The following GTF3C2 variants were observed in gnomAD, a reference collection of about 807,000 sequenced individuals.
The protein encoded by GTF3C2 is general transcription factor IIIC subunit 2.
GTF3C2 carries 17 observed loss-of-function variants against 117.4 expected under a neutral mutation model. The ratio of observed to expected loss-of-function variants is 0.14; its 90% CI spans 0.10 to 0.22. The LOEUF (loss-of-function observed/expected upper bound fraction) is 0.22, where lower values mean the gene tolerates loss of function less well. Among genes scored for constraint, GTF3C2 ranks in the 10% least tolerant of loss-of-function variants. The pLI is 1.00. For synonymous variants in GTF3C2, 437 were observed against 427.0 expected, an observed-to-expected ratio of 1.02 and a Z score of -0.29; for missense variants, 888 against 1,143.6, an observed-to-expected ratio of 0.78 and a Z score of 3.22.
chr2:27,354,289 A>G (rs1032990798), intron 1 of GTF3C2, among the ~76,000 whole-genome samples: 2 of 152,064 alleles, frequency 1.3e-5, no homozygotes, highest in African/African-American at 4.8e-5. Flanking sequence ...TCTCAAAAAA[A>G]GTGGGAACCA....
chr2:27,338,120 C>G, intron 4 of GTF3C2, 100 bp from the exon 5 acceptor site: 1 of 772,732 alleles, frequency 1.3e-6, no homozygotes, highest in African/African-American at 1.7e-5. Flanking sequence ...TTTGGCAATA[C>G]CTCCCCCTCC....
At chr2:27,349,561 A>C (rs1681051054) in intron 1 of GTF3C2, among the ~76,000 whole-genome samples, 1 of 152,242 alleles carries the variant, frequency 6.6e-6, no homozygotes, top group Admixed American at 6.5e-5. Context: ...GCAAAATCTA[A>C]GCAAAAACAA....
chr2:27,343,138 G>A (rs1397085676), exon 3 of GTF3C2: 2 of 1,572,366 alleles, frequency 1.3e-6, no homozygotes, highest in Non-Finnish European at 1.7e-6. Flanking sequence ...TGACATCTCT[G>A]AAGAAAGATC....
At chr2:27,330,936 T>C (rs1273130520) in intron 12 of GTF3C2, among the ~76,000 whole-genome samples, 2 of 152,144 alleles carry the variant, frequency 1.3e-5, no homozygotes, top group East Asian at 1.9e-4. Context: ...CACTCCAGCC[T>C]GGACCCCACA....
chr2:27,337,082 A>C, intron 7 of GTF3C2, 162 bp downstream of exon 7: 1 of 618,436 alleles, frequency 1.6e-6, no homozygotes, highest in Non-Finnish European at 2.9e-6. Context: ...GAACACTACA[A>C]ATCAGAGAGG....
At chr2:27,336,098 C>T in intron 8 of GTF3C2, 70 bp from the exon 9 acceptor site, 2 of 1,393,746 alleles carry the variant, frequency 1.4e-6, no homozygotes, top group South Asian at 2.3e-5. Flanking sequence ...GGTAAGCTCC[C>T]CTTGTCTCAG....
intron 1 of GTF3C2, among the ~76,000 whole-genome samples, chr2:27,348,386 G>A (rs1479906098): frequency 1.3e-5 from 2 of 149,198 alleles, no homozygotes; most frequent in Non-Finnish European, 3.0e-5. Flanking sequence ...GCTGCAGTGA[G>A]CAGAGATCGC....
chr2:27,354,127 T>C (rs1681239314), intron 1 of GTF3C2, among the ~76,000 whole-genome samples: 1 of 145,674 alleles, frequency 6.9e-6, no homozygotes, highest in African/African-American at 2.6e-5. Flanking sequence ...ACAACAAAAA[T>C]GTTTAATTAG....
Position 27,329,097 on chromosome 2 carries a change from G to A in GTF3C2, c.2039+24C>T. ...CCAACCCTTAGGGCCTGTCCCTAGA[G>A]GTCCTATCTCCATCTTGCCGTACGA... On this transcript the variant is annotated intron_variant, in intron 14 of 18. Transcript: ENST00000264720. The surrounding 1 kb of genome is among the most constrained non-coding windows in gnomAD (Gnocchi z 4.5). 6.2e-7 allele frequency: 1 copy of A among 1,612,252 alleles called. No individual in the cohort carries two copies. Among genetic ancestry groups the A allele is most frequent in the African/African-American group, 1.3e-5 (1 of 75,004 alleles).
exon 16 of GTF3C2, chr2:27,328,581 C>G (rs761777591): frequency 6.2e-7 from 1 of 1,611,424 alleles, no homozygotes. Context: ...CCAAGCCAGT[C>G]GGATCCTGAA....
At chr2:27,331,254 G>C (rs150983712) in intron 12 of GTF3C2, among the ~76,000 whole-genome samples, 59 of 152,260 alleles carry the variant, frequency 3.9e-4, no homozygotes, top group African/African-American at 1.3e-3. Context: ...TGGCGAAAGG[G>C]ATGATAAAAA....
At chr2:27,351,528 T>C (rs1681139505) in intron 1 of GTF3C2, among the ~76,000 whole-genome samples, 1 of 152,182 alleles carries the variant, frequency 6.6e-6, no homozygotes, top group Non-Finnish European at 1.5e-5. Context: ...TCTGCAGTAA[T>C]CAGAAAGTGA....
At position 27,336,031 on chromosome 2, in the gene GTF3C2, GGAGA is replaced by G. The variant is rs555754943; in HGVS notation, c.1356-7_1356-4del. On this transcript the variant is annotated splice_polypyrimidine_tract_variant and splice_region_variant and intron_variant, in intron 8 of 18. Coordinates refer to ENST00000264720, the Ensembl canonical transcript of GTF3C2. ...CAAAGTGGGCCCTGTTGCCAGGACT[GGAGA>G]GAGAGAGCATGTGGGGATGGTGGGT... 3.1e-6 allele frequency: 5 copies of G among 1,591,470 alleles called. No individual in the cohort carries two copies. The highest frequency in any genetic ancestry group is 2.7e-5 in the African/African-American group (2 of 74,452).
At chr2:27,343,653 T>A (rs11689803) in intron 1 of GTF3C2, 75 bp from the exon 2 acceptor site, 295,280 of 1,235,078 alleles carry the variant, frequency 0.24, 39,900 homozygotes, top group Non-Finnish European at 0.27. Context: ...TTCCCCATCT[T>A]TTCTCCCTCA....
chr2:27,329,034 C>T lies in GTF3C2; in HGVS notation c.2039+87G>A, dbSNP rs1680189318. The T allele has an allele frequency of 6.7e-7, 1 of 1,500,488 alleles. No homozygotes were observed. Among genetic ancestry groups the T allele is most frequent in the South Asian group, 1.1e-5 (1 of 88,682 alleles). The allele number at this position is 1,500,488 out of a possible 1,614,324, so 92.9% of individuals were successfully genotyped here. On this transcript the variant is annotated intron_variant, in intron 14 of 18. Transcript: ENST00000264720. This position sits in a 1 kb window ranked among gnomAD's most constrained non-coding sequence, Gnocchi z 4.5. ...ACCACCTCAGTGAACCAACTCTCTA[C>T]CCTCCTCTCCCCACAACAATCTGGC...
intron 1 of GTF3C2, among the ~76,000 whole-genome samples, chr2:27,348,274 A>G (rs1407390645): frequency 3.3e-5 from 5 of 150,778 alleles, no homozygotes; most frequent in African/African-American, 1.2e-4. Flanking sequence ...CTGAGGGAAA[A>G]AAAAAAAAAA....
chr2:27,336,039 A>C lies in GTF3C2; in HGVS notation c.1356-11T>G, dbSNP rs201517047. On this transcript the variant is annotated splice_polypyrimidine_tract_variant and intron_variant, in intron 8 of 18. Coordinates refer to ENST00000264720, the Ensembl canonical transcript of GTF3C2. ...GCCCTGTTGCCAGGACTGGAGAGAGAGAGCATGTGGGGATGGTGGGTAGGA... is the reference window on the plus strand; with the variant it reads ...GCCCTGTTGCCAGGACTGGAGAGAGCGAGCATGTGGGGATGGTGGGTAGGA... 1.5e-4 allele frequency: 241 copies of C among 1,574,342 alleles called. 1 individual carries two copies. The highest frequency in any genetic ancestry group is 2.0e-4 in the Non-Finnish European group (230 of 1,143,726).
chr2:27,325,877 T>C (rs1680057528), exon 19 of GTF3C2: 1 of 179,396 alleles, frequency 5.6e-6, no homozygotes, highest in South Asian at 1.1e-4. Context: ...AGATATTTAA[T>C]CTAGAGAAGA....
intron 18 of GTF3C2, 94 bp from the exon 19 acceptor site, chr2:27,326,987 A>C: frequency 1.3e-6 from 1 of 797,112 alleles, no homozygotes; most frequent in Non-Finnish European, 2.0e-6. Flanking sequence ...AATGAGCCAC[A>C]ATCTGAAAGG....
Sources: allele counts gnomAD v4.1 joint callset (sites outside exome capture counted in the v4.1 genomes callset), GRCh38; gene constraint gnomAD v4.1.1; non-coding constraint Gnocchi (gnomAD v3.1); transcripts MANE v1.5; gene names NCBI Gene and HGNC (gene_info 2026-07-23, HGNC 2026-07-21).